LRRC7: variants seen among roughly 807,000 people sequenced by gnomAD.
LRRC7 encodes leucine-rich repeat-containing protein 7.
LRRC7 carries 23 observed loss-of-function variants against 175.7 expected under a neutral mutation model. The ratio of observed to expected loss-of-function variants is 0.13; its 90% CI spans 0.09 to 0.19. The LOEUF is 0.19. LRRC7 is among the 10% of genes least tolerant of loss of function. The pLI is 1.00. For synonymous variants in LRRC7, 685 were observed against 680.9 expected, an observed-to-expected ratio of 1.01 and a Z score of -0.09; for missense variants, 1,354 against 1,904.7, an observed-to-expected ratio of 0.71 and a Z score of 5.38.
At chr1:69,679,918 T>C (rs67130227) in intron 2 of LRRC7, among the ~76,000 whole-genome samples, 2,985 of 152,244 alleles carry the variant, frequency 0.02, 50 homozygotes, top group Non-Finnish European at 0.033. Context: ...GTAAGTACAA[T>C]TGTATTGAAA....
At position 70,124,588 on chromosome 1, in the gene LRRC7, T is replaced by C. The variant is rs1666362594; in HGVS notation, c.*2701T>C. ...GGCAATTTTTTTTAGGTTGACTGAA[T>C]AGAATCACTAAACACTTGAGGGGTA... On this transcript the variant is annotated 3_prime_UTR_variant, in exon 27 of 27. Transcript: ENST00000651989. 6.6e-6 allele frequency among the ~76,000 whole-genome samples: 1 copy of C among 152,102 alleles called. No individual in the cohort carries two copies. The highest frequency in any genetic ancestry group is 1.5e-5 in the Non-Finnish European group (1 of 68,014).
intron 7 of LRRC7, among the ~76,000 whole-genome samples, chr1:69,850,224 A>C (rs1682825289): frequency 6.6e-6 from 1 of 152,136 alleles, no homozygotes; most frequent in Admixed American, 6.6e-5. Flanking sequence ...GAAGAAAATC[A>C]GGTGTACAAA....
At chr1:69,998,482 C>A (rs1655226041) in intron 11 of LRRC7, among the ~76,000 whole-genome samples, 1 of 152,094 alleles carries the variant, frequency 6.6e-6, no homozygotes, top group Admixed American at 6.6e-5. Flanking sequence ...CTTGCATTTT[C>A]TCCAGTATAG....
intron 2 of LRRC7, among the ~76,000 whole-genome samples, chr1:69,681,022 G>GCATT (rs1660423351): frequency 6.6e-6 from 1 of 151,838 alleles, no homozygotes; most frequent in African/African-American, 2.4e-5. Flanking sequence ...GGATAATAAG[G>GCATT]CATTTTTTGA....
At chr1:69,771,972 A>G (rs1357007371) in intron 3 of LRRC7, among the ~76,000 whole-genome samples, 1 of 151,944 alleles carries the variant, frequency 6.6e-6, no homozygotes, top group Non-Finnish European at 1.5e-5. Context: ...AATACAAAAA[A>G]TTAGCCAGGC....
intron 1 of LRRC7, among the ~76,000 whole-genome samples, chr1:69,604,891 C>T (rs533936058): frequency 2.0e-5 from 3 of 152,244 alleles, no homozygotes; most frequent in South Asian, 2.1e-4. Context: ...TTAGAAAAGA[C>T]ACTTCATGCA....
At chr1:69,605,535 A>G (rs536303327) in intron 1 of LRRC7, among the ~76,000 whole-genome samples, 3 of 152,302 alleles carry the variant, frequency 2.0e-5, no homozygotes, top group Non-Finnish European at 4.4e-5. Flanking sequence ...TTAATAAAGC[A>G]TCATCTCTTC....
chr1:69,634,912 G>A (rs1653085575), intron 1 of LRRC7, among the ~76,000 whole-genome samples: 1 of 152,068 alleles, frequency 6.6e-6, no homozygotes, highest in Non-Finnish European at 1.5e-5. Flanking sequence ...AGCAGAAAAT[G>A]TCTGACATTC....
rs1348288613 is a variant in LRRC7, at chr1:70,125,072, A to G, written c.*3185A>G. ...TGATAACTCCAGCCTTCTGATGACA[A>G]CACAGTAACCTAAACATACATAGTA... is the stretch of plus-strand genomic sequence containing the variant. On this transcript the variant is annotated 3_prime_UTR_variant, in exon 27 of 27. Coordinates refer to ENST00000651989, the MANE Select transcript of LRRC7 (RefSeq NM_001370785.2). Among the ~76,000 whole-genome samples the G allele has an allele frequency of 6.6e-6, 1 of 152,256 alleles. No individual in the cohort carries two copies. The highest frequency in any genetic ancestry group is 2.4e-5 in the African/African-American group (1 of 41,472).
At chr1:69,647,438 A>G (rs777822185) in intron 1 of LRRC7, among the ~76,000 whole-genome samples, 1 of 152,198 alleles carries the variant, frequency 6.6e-6, no homozygotes, top group Non-Finnish European at 1.5e-5. Context: ...TCAACACAGA[A>G]GATATTTTCA....
At chr1:70,041,160 G>A (rs568970510) in intron 21 of LRRC7, among the ~76,000 whole-genome samples, 2 of 152,230 alleles carry the variant, frequency 1.3e-5, no homozygotes, top group South Asian at 4.1e-4. Flanking sequence ...TCACTCAATA[G>A]TTTTATTATT....
intron 7 of LRRC7, among the ~76,000 whole-genome samples, chr1:69,846,762 C>G (rs977855783): frequency 1.3e-5 from 2 of 151,556 alleles, no homozygotes; most frequent in Non-Finnish European, 2.9e-5. Flanking sequence ...TCATTTAGAC[C>G]CAGGAAAAAT....
chr1:69,868,550 A>G (rs1403339710), intron 7 of LRRC7, among the ~76,000 whole-genome samples: 1 of 152,128 alleles, frequency 6.6e-6, no homozygotes, highest in East Asian at 1.9e-4. Flanking sequence ...TTGGTGAAGT[A>G]TAGAATGATG....
chr1:69,898,134 C>T lies in LRRC7; in HGVS notation c.648-33373C>T, dbSNP rs548590698. The stretch of plus-strand genomic sequence containing the variant: ...TCATAGGGCTTGGTGAATAATTCAT[C>T]ATGGGGTAAGGAATACCTCCCAGGT... On this transcript the variant is annotated intron_variant, in intron 7 of 26. Coordinates refer to ENST00000651989, the MANE Select transcript of LRRC7 (RefSeq NM_001370785.2). 2.6e-5 allele frequency among the ~76,000 whole-genome samples: 4 copies of T among 152,250 alleles called. No individual in the cohort carries two copies. The East Asian group carries it at 5.8e-4, about 22-fold the overall frequency.
chr1:69,714,037 A>G lies in LRRC7; in HGVS notation c.100+35559A>G, dbSNP rs74582387. Reference sequence around the variant, plus strand: ...ACAAATATTTTGTACAATTTGCAAAAAGAGTCATATGCAGAGAGGTATGTT... The same window carrying G: ...ACAAATATTTTGTACAATTTGCAAAGAGAGTCATATGCAGAGAGGTATGTT... On this transcript the variant is annotated intron_variant, in intron 2 of 26. Coordinates refer to ENST00000651989, the MANE Select transcript of LRRC7 (RefSeq NM_001370785.2). Among the ~76,000 whole-genome samples, 306 of 152,234 alleles carry G rather than the reference A, an allele frequency of 2.0e-3. 1 individual carries two copies. Among genetic ancestry groups the G allele is most frequent in the African/African-American group, 6.9e-3 (286 of 41,530 alleles).
intron 1 of LRRC7, among the ~76,000 whole-genome samples, chr1:69,581,608 A>C (rs868075726): frequency 4.6e-5 from 7 of 152,326 alleles, no homozygotes; most frequent in Non-Finnish European, 4.4e-5. Flanking sequence ...ATATTGAAGA[A>C]GCATCAACTT....
intron 9 of LRRC7, among the ~76,000 whole-genome samples, chr1:69,981,623 C>G (rs1653440730): frequency 6.6e-6 from 1 of 152,106 alleles, no homozygotes; most frequent in African/African-American, 2.4e-5. Context: ...TCGCACATAG[C>G]AGGATAAACA....
At chr1:69,933,857 C>T (rs747630126) in intron 8 of LRRC7, among the ~76,000 whole-genome samples, 68 of 152,178 alleles carry the variant, frequency 4.5e-4, no homozygotes, top group Non-Finnish European at 7.6e-4. Context: ...AGAAATCCTA[C>T]GAGCAGAAAT....
intron 4 of LRRC7, among the ~76,000 whole-genome samples, chr1:69,810,818 C>G (rs939273213): frequency 7.2e-5 from 11 of 152,030 alleles, no homozygotes; most frequent in African/African-American, 2.7e-4. Context: ...ACCATAAAAA[C>G]CCTAGAAGAA....
Sources: allele counts gnomAD v4.1 joint callset (sites outside exome capture counted in the v4.1 genomes callset), GRCh38; gene constraint gnomAD v4.1.1; transcripts MANE v1.5; gene names NCBI Gene and HGNC (gene_info 2026-07-23, HGNC 2026-07-21).